The following RBFOX1 variants were observed in gnomAD, a reference collection of about 807,000 sequenced individuals.
RBFOX1 encodes the protein RNA binding fox-1 homolog 1.
In RBFOX1, 8 loss-of-function variants were observed where a neutral mutation model predicts 57.7. The ratio of observed to expected loss-of-function variants is 0.14; its 90% confidence interval spans 0.08 to 0.25. RBFOX1 has a LOEUF of 0.25. Among genes scored for constraint, RBFOX1 ranks in the 10% least tolerant of loss-of-function variants. RBFOX1 has a pLI of 1.00. For synonymous variants in RBFOX1, 326 were observed against 222.4 expected, an observed-to-expected ratio of 1.47 and a Z score of -4.15; for missense variants, 611 against 548.5, an observed-to-expected ratio of 1.11 and a Z score of -1.14.
At chr16:7,325,619 G>T (rs2096601214) in intron 4 of RBFOX1, among the ~76,000 whole-genome samples, 1 of 152,122 alleles carries the variant, frequency 6.6e-6, no homozygotes, top group Non-Finnish European at 1.5e-5. Flanking sequence ...TGCTAGATTA[G>T]TCCTCCACTG....
chr16:5,317,292 T>G (rs1919062), intron 1 of RBFOX1, among the ~76,000 whole-genome samples: 152,238 of 152,324 alleles, frequency 1, 76,076 homozygotes, highest in Middle Eastern at 1. Context: ...CTAGTCTGCA[T>G]ATCTACTGTG....
chr16:5,701,634 A>G (rs978561914), intron 3 of RBFOX1, among the ~76,000 whole-genome samples: 5 of 152,114 alleles, frequency 3.3e-5, no homozygotes, highest in Non-Finnish European at 5.9e-5. Context: ...GAGTTTCGTC[A>G]TGTTGCCCAG....
At chr16:6,559,895 G>A (rs956243119) in intron 2 of RBFOX1, among the ~76,000 whole-genome samples, 1 of 152,042 alleles carries the variant, frequency 6.6e-6, no homozygotes, top group Admixed American at 6.6e-5. Context: ...AGAACCTCTG[G>A]TTCCTTCCCT....
chr16:5,816,728 G>A (rs1242171709), intron 3 of RBFOX1, among the ~76,000 whole-genome samples: 1 of 152,154 alleles, frequency 6.6e-6, no homozygotes, highest in East Asian at 1.9e-4. Context: ...AGGCTGCAAT[G>A]AGCCATGATC....
At chr16:6,515,837 C>T (rs2096366072) in intron 2 of RBFOX1, among the ~76,000 whole-genome samples, 1 of 152,090 alleles carries the variant, frequency 6.6e-6, no homozygotes, top group African/African-American at 2.4e-5. Flanking sequence ...ACCCTAATGG[C>T]CTCTTGGGTG....
chr16:6,666,649 G>C (rs1031485752), intron 3 of RBFOX1, among the ~76,000 whole-genome samples: 7 of 151,940 alleles, frequency 4.6e-5, no homozygotes, highest in African/African-American at 1.7e-4. Context: ...CCTCTAGGCT[G>C]TACTGCCTCT....
chr16:5,781,996 A>C (rs1461595598), intron 3 of RBFOX1, among the ~76,000 whole-genome samples: 1 of 152,254 alleles, frequency 6.6e-6, no homozygotes, highest in Non-Finnish European at 1.5e-5. Flanking sequence ...ACTTGAGGTC[A>C]GGAGTTCAAG....
At chr16:5,378,267 G>T (rs1488027604) in intron 1 of RBFOX1, among the ~76,000 whole-genome samples, 1 of 151,492 alleles carries the variant, frequency 6.6e-6, no homozygotes, top group Admixed American at 6.6e-5. Flanking sequence ...GGGACTGGTG[G>T]GTCACCCTCA....
intron 2 of RBFOX1, among the ~76,000 whole-genome samples, chr16:5,478,709 C>G (rs1196673962): frequency 6.6e-6 from 1 of 152,126 alleles, no homozygotes; most frequent in East Asian, 1.9e-4. Context: ...GTAGGCTTTC[C>G]TGTGTAAACC....
At chr16:6,694,776 T>C (rs1183606961) in intron 3 of RBFOX1, among the ~76,000 whole-genome samples, 2 of 152,186 alleles carry the variant, frequency 1.3e-5, no homozygotes, top group Non-Finnish European at 2.9e-5. Context: ...ATTTAACTAA[T>C]TCAGGGCAAG....
In RBFOX1 at chr16:5,263,603, G is replaced by T. The variant is rs149080866; in HGVS notation, c.219+23498G>T. 2.3e-4 allele frequency among the ~76,000 whole-genome samples: 35 copies of T among 152,266 alleles called. No individual in the cohort carries two copies. The East Asian group carries it at 6.8e-3, about 29-fold the overall frequency. ...TCCAAGGGAATGGGTGATAAAGGCA[G>T]GTCTCAAATGAGGTGCAAGTGGAGA... On this transcript the variant is annotated intron_variant, in intron 1 of 2. Transcript: ENST00000585867.
chr16:6,930,592 T>G (rs1432585873), intron 3 of RBFOX1, among the ~76,000 whole-genome samples: 1 of 152,062 alleles, frequency 6.6e-6, no homozygotes, highest in Non-Finnish European at 1.5e-5. Flanking sequence ...GTACTTTTAG[T>G]AGAGATGGAG....
chr16:6,678,473 G>C (rs12934366), intron 3 of RBFOX1, among the ~76,000 whole-genome samples: 22,266 of 151,610 alleles, frequency 0.15, 1,775 homozygotes, highest in Middle Eastern at 0.19. Context: ...ATCTGTGTGC[G>C]TGTATGGGTC....
intron 4 of RBFOX1, among the ~76,000 whole-genome samples, chr16:7,490,137 C>T (rs960948323): frequency 6.6e-6 from 1 of 152,158 alleles, no homozygotes; most frequent in Admixed American, 6.5e-5. Context: ...TGCAGAACTT[C>T]CTTCAGTCTT....
chr16:5,702,536 C>G (rs1012230826), intron 3 of RBFOX1, among the ~76,000 whole-genome samples: 1 of 152,222 alleles, frequency 6.6e-6, no homozygotes, highest in African/African-American at 2.4e-5. Context: ...TCTGAGCATT[C>G]CAACAACTTT....
At chr16:7,588,672 G>C (rs2094266223) in intron 7 of RBFOX1, among the ~76,000 whole-genome samples, 1 of 152,132 alleles carries the variant, frequency 6.6e-6, no homozygotes, top group South Asian at 2.1e-4. Context: ...TATCACGGAG[G>C]GTCAGTAAGC....
intron 2 of RBFOX1, among the ~76,000 whole-genome samples, chr16:6,440,837 G>C (rs1262640818): frequency 6.7e-6 from 1 of 150,198 alleles, no homozygotes; most frequent in Non-Finnish European, 1.5e-5. Flanking sequence ...ATAGGATCAA[G>C]AGGGTGGTGA....
chr16:7,686,665 C>G (rs558507503), intron 14 of RBFOX1, among the ~76,000 whole-genome samples: 11 of 152,216 alleles, frequency 7.2e-5, no homozygotes, highest in Non-Finnish European at 1.3e-4. Context: ...AGGGCATGTA[C>G]TGTTTTTATA....
At chr16:6,497,673 C>A (rs556815037) in intron 2 of RBFOX1, among the ~76,000 whole-genome samples, 2 of 152,148 alleles carry the variant, frequency 1.3e-5, no homozygotes, top group East Asian at 3.9e-4. Flanking sequence ...TGTCCTGCCT[C>A]AGCCTCCTGA....
Sources: allele counts gnomAD v4.1 joint callset (sites outside exome capture counted in the v4.1 genomes callset), GRCh38; gene constraint gnomAD v4.1.1; transcripts MANE v1.5; gene names NCBI Gene and HGNC (gene_info 2026-07-23, HGNC 2026-07-21).